The following NHSL2 variants were observed in gnomAD, a reference collection of about 807,000 sequenced individuals.
The protein encoded by NHSL2 is NHS-like protein 2.
A neutral mutation model predicts 53.4 loss-of-function variants in NHSL2; 27 were observed. The ratio of observed to expected loss-of-function variants is 0.51; its 90% CI spans 0.37 to 0.70. The LOEUF is 0.70. NHSL2 is among the 30% of genes least tolerant of loss of function. The pLI is 0.00. For synonymous variants in NHSL2, 408 were observed against 404.1 expected, an observed-to-expected ratio of 1.01 and a Z score of -0.12; for missense variants, 892 against 980.1, an observed-to-expected ratio of 0.91 and a Z score of 1.20.
chrX:72,041,900 G>C (rs1380157127), intron 1 of NHSL2, among the ~76,000 whole-genome samples: 2 of 112,284 alleles, frequency 1.8e-5, no homozygotes, highest in East Asian at 5.6e-4. Context: ...GAAAGCTAAA[G>C]GAACATGAGA....
In NHSL2 at chrX:72,146,750, A is replaced by G. The variant is rs886377465; in HGVS notation, c.*3176A>G. 3.6e-5 allele frequency: 4 copies of G among 111,048 alleles called. No individual in the cohort carries two copies. Among genetic ancestry groups the G allele is most frequent in the Non-Finnish European group, 5.7e-5 (3 of 52,990 alleles). The allele number at this position is 111,048 out of a possible 1,213,427, so 9.2% of individuals were successfully genotyped here. ...TGAGGGTAGTTATTCTTGGTACAAT[A>G]GCAAGCTTTGCTGGTGTCTCCTCTC... On this transcript the variant is annotated 3_prime_UTR_variant, in exon 8 of 8. Coordinates refer to ENST00000633930, the MANE Select transcript of NHSL2 (RefSeq NM_001013627.3).
intron 1 of NHSL2, among the ~76,000 whole-genome samples, chrX:72,055,904 A>G (rs2042366552): frequency 8.9e-6 from 1 of 112,728 alleles, no homozygotes; most frequent in African/African-American, 3.2e-5. Flanking sequence ...ACTTGAACAG[A>G]TGAAAGCATA....
chrX:72,054,315 C>T (rs1349648260), intron 1 of NHSL2, among the ~76,000 whole-genome samples: 1 of 111,038 alleles, frequency 9.0e-6, no homozygotes, highest in East Asian at 2.8e-4. Context: ...CCCCAATCTC[C>T]ACTCCCATCT....
At chrX:72,022,911 G>A (rs1175266261) in intron 1 of NHSL2, among the ~76,000 whole-genome samples, 1 of 111,546 alleles carries the variant, frequency 9.0e-6, no homozygotes, top group East Asian at 2.8e-4. Context: ...AGTACCCCAG[G>A]TCCCTGCTTG....
At chrX:72,017,734 T>C (rs1397579219) in intron 1 of NHSL2, among the ~76,000 whole-genome samples, 1 of 112,519 alleles carries the variant, frequency 8.9e-6, no homozygotes, top group Non-Finnish European at 1.9e-5. Flanking sequence ...TCTATGGACC[T>C]AACTGTCTAA....
chrX:72,066,969 A>AAAAT (rs966869859), intron 1 of NHSL2, among the ~76,000 whole-genome samples: 6 of 110,952 alleles, frequency 5.4e-5, no homozygotes, highest in South Asian at 7.6e-4. Context: ...ATCTCTACAA[A>AAAAT]AAATAAATAA....
At chrX:72,012,482 G>A (rs1010664774) in intron 1 of NHSL2, among the ~76,000 whole-genome samples, 8 of 112,247 alleles carry the variant, frequency 7.1e-5, no homozygotes, top group African/African-American at 1.3e-4. Context: ...CCGCTTCTGC[G>A]GGCTGCCAAT....
intron 1 of NHSL2, among the ~76,000 whole-genome samples, chrX:71,961,631 G>A (rs773014144): frequency 1.8e-5 from 2 of 111,148 alleles, no homozygotes; most frequent in Admixed American, 9.6e-5. Context: ...TTAGCTTTGG[G>A]TAGGTTTTTA....
intron 1 of NHSL2, among the ~76,000 whole-genome samples, chrX:72,003,145 A>C (rs1409253953): frequency 9.0e-6 from 1 of 110,823 alleles, no homozygotes; most frequent in Admixed American, 9.7e-5. Flanking sequence ...AAAGACTCCC[A>C]CTGAAGCAGA....
Position 71,978,532 on chromosome X carries a change from C to T in NHSL2, c.280+67165C>T, listed in dbSNP as rs73561844. 8.2e-3 allele frequency among the ~76,000 whole-genome samples: 925 copies of T among 112,279 alleles called. 9 individuals are homozygous for T. The highest frequency in any genetic ancestry group is 0.028 in the African/African-American group (876 of 30,889). ...AGAAGAAAGATGTTTCCCAGCCAGACACACTTTATTCAGTCATGGAGGAGT... is the reference window on the plus strand; with the variant it reads ...AGAAGAAAGATGTTTCCCAGCCAGATACACTTTATTCAGTCATGGAGGAGT... On this transcript the variant is annotated intron_variant, in intron 1 of 7. Transcript: ENST00000633930.
At chrX:71,973,386 A>G (rs376989265) in intron 1 of NHSL2, among the ~76,000 whole-genome samples, 18 of 111,917 alleles carry the variant, frequency 1.6e-4, no homozygotes, top group African/African-American at 5.8e-4. Context: ...TCATGAAGCT[A>G]CCAGCCGTCT....
At chrX:72,122,453 G>A (rs1243096140) in intron 1 of NHSL2, among the ~76,000 whole-genome samples, 2 of 112,449 alleles carry the variant, frequency 1.8e-5, no homozygotes, top group African/African-American at 6.5e-5. Flanking sequence ...CCCAATACAC[G>A]GTAAGCACTA....
At chrX:72,066,154 A>G (rs895012916) in intron 1 of NHSL2, among the ~76,000 whole-genome samples, 2 of 111,609 alleles carry the variant, frequency 1.8e-5, no homozygotes, top group Non-Finnish European at 3.8e-5. Context: ...GGGAAGGATG[A>G]TGGTGACTGG....
chrX:71,960,221 T>C (rs1196273622), intron 1 of NHSL2, among the ~76,000 whole-genome samples: 1 of 112,523 alleles, frequency 8.9e-6, no homozygotes, highest in East Asian at 2.8e-4. Context: ...TTTGTCTTTT[T>C]ATTGTTGAGT....
intron 1 of NHSL2, among the ~76,000 whole-genome samples, chrX:72,124,447 C>T (rs761990106): frequency 6.3e-5 from 7 of 111,299 alleles, no homozygotes; most frequent in South Asian, 7.5e-4. Flanking sequence ...ATCTGTGGGT[C>T]GGTTCTTGCT....
At chrX:72,129,683 G>A (rs1042133244) in intron 1 of NHSL2, 1 of 576,657 alleles carries the variant, frequency 1.7e-6, no homozygotes, top group Non-Finnish European at 2.7e-6. Flanking sequence ...TTGCAAGATG[G>A]TCTGGAATTC....
intron 1 of NHSL2, among the ~76,000 whole-genome samples, chrX:71,950,518 T>A (rs1282114705): frequency 8.9e-6 from 1 of 112,629 alleles, no homozygotes; most frequent in East Asian, 2.8e-4. Context: ...GCCCCAGTTC[T>A]AGCTGGAGTT....
intron 1 of NHSL2, among the ~76,000 whole-genome samples, chrX:72,001,277 C>T (rs1167702490): frequency 1.8e-5 from 2 of 111,943 alleles, no homozygotes; most frequent in African/African-American, 6.5e-5. Flanking sequence ...TTATATGGTG[C>T]CAGAGCCCTC....
At chrX:71,947,340 G>A (rs1039468674) in intron 1 of NHSL2, among the ~76,000 whole-genome samples, 3 of 111,894 alleles carry the variant, frequency 2.7e-5, no homozygotes, top group African/African-American at 3.3e-5. Context: ...TCCTAACCTC[G>A]TCCTGCAGAT....
Sources: gnomAD v4.1 joint callset for allele counts (sites outside exome capture counted in the v4.1 genomes callset) on GRCh38, gnomAD v4.1.1 for gene constraint, MANE v1.5 for transcripts, NCBI Gene and HGNC (gene_info 2026-07-23, HGNC 2026-07-21) for gene names.